Variants in NAALADL2 observed in about 807,000 individuals in gnomAD.
The protein encoded by NAALADL2 is N-acetylated alpha-linked acidic dipeptidase like 2.
In NAALADL2, 76 loss-of-function variants were observed where a neutral mutation model predicts 87.2. The observed-to-expected ratio is 0.87, with a 90% confidence interval of 0.72 to 1.05. The LOEUF is 1.05. Among genes scored for constraint, NAALADL2 ranks in the 50% least tolerant of loss-of-function variants. The pLI is 0.00. For synonymous variants in NAALADL2, 354 were observed against 331.0 expected (o/e 1.07, Z -0.75); for missense variants, 1,089 against 945.8 (o/e 1.15, Z -1.99).
intron 13 of NAALADL2, among the ~76,000 whole-genome samples, chr3:175,783,391 G>C (rs2150224004): frequency 6.6e-6 from 1 of 151,132 alleles, no homozygotes; most frequent in Non-Finnish European, 1.5e-5. Flanking sequence ...TTGAGCAGTG[G>C]TTTGTAGTTC....
chr3:174,527,470 G>T (rs562724718), intron 1 of NAALADL2, among the ~76,000 whole-genome samples: 36 of 150,084 alleles, frequency 2.4e-4, no homozygotes, highest in Non-Finnish European at 5.0e-4. Flanking sequence ...AATGAGCTGA[G>T]ATTGCGCCAT....
chr3:175,111,796 C>T (rs919572559), intron 2 of NAALADL2, among the ~76,000 whole-genome samples: 1 of 151,464 alleles, frequency 6.6e-6, no homozygotes, highest in African/African-American at 2.4e-5. Context: ...ATTCATATTC[C>T]CTGTAGTGCC....
chr3:175,287,511 A>G (rs952182393), intron 4 of NAALADL2, among the ~76,000 whole-genome samples: 7 of 152,210 alleles, frequency 4.6e-5, no homozygotes, highest in Non-Finnish European at 8.8e-5. Flanking sequence ...TTTAAAGGGA[A>G]CTGAAACACA....
At chr3:175,258,279 G>A (rs1017605131) in intron 4 of NAALADL2, among the ~76,000 whole-genome samples, 5 of 141,480 alleles carry the variant, frequency 3.5e-5, no homozygotes, top group African/African-American at 1.3e-4. Context: ...CTGCACTCCA[G>A]CCTGGGCAAC....
chr3:174,822,289 T>C (rs971694879), intron 3 of NAALADL2, among the ~76,000 whole-genome samples: 7 of 152,108 alleles, frequency 4.6e-5, no homozygotes, highest in Non-Finnish European at 1.0e-4. Flanking sequence ...CCCCTGCTTA[T>C]TGCACAGGAG....
chr3:175,506,934 G>T (rs1730411677), intron 9 of NAALADL2, among the ~76,000 whole-genome samples: 2 of 152,090 alleles, frequency 1.3e-5, no homozygotes, highest in African/African-American at 4.8e-5. Flanking sequence ...GAAATGACAT[G>T]CACGGGACAT....
chr3:175,077,161 G>T (rs888800200), intron 1 of NAALADL2, among the ~76,000 whole-genome samples: 2 of 152,150 alleles, frequency 1.3e-5, no homozygotes, highest in African/African-American at 4.8e-5. Context: ...TTTTTCAAAT[G>T]ACAAGCCTAG....
chr3:174,503,194 A>G (rs999275002), intron 1 of NAALADL2, among the ~76,000 whole-genome samples: 1 of 152,188 alleles, frequency 6.6e-6, no homozygotes, highest in Non-Finnish European at 1.5e-5. Context: ...ATCAAGGGAC[A>G]TATAGGACAT....
chr3:175,151,086 G>A (rs1332574232), intron 2 of NAALADL2, among the ~76,000 whole-genome samples: 1 of 152,188 alleles, frequency 6.6e-6, no homozygotes, highest in Non-Finnish European at 1.5e-5. Context: ...CACACCTGTA[G>A]TCTGAGCACT....
intron 12 of NAALADL2, 108 bp from the exon 13 acceptor site, chr3:175,755,112 C>A (rs1747090431): frequency 3.5e-6 from 3 of 859,956 alleles, no homozygotes; most frequent in African/African-American, 1.7e-5. Context: ...TTTCCTCTTC[C>A]TTCTTCAGTG....
chr3:175,422,545 C>T (rs144412483), intron 5 of NAALADL2, among the ~76,000 whole-genome samples: 18 of 152,014 alleles, frequency 1.2e-4, no homozygotes, highest in Middle Eastern at 3.4e-3. Context: ...CAAAATCCTC[C>T]GCCAACCTAG....
intron 2 of NAALADL2, among the ~76,000 whole-genome samples, chr3:174,696,183 G>A (rs927991033): frequency 2.0e-5 from 3 of 151,876 alleles, no homozygotes; most frequent in African/African-American, 7.3e-5. Context: ...GTGGTGGGAG[G>A]CTTTAGTACA....
rs773880712 is a variant in NAALADL2, at chr3:174,911,593, GAGA to G, written c.43+52146_43+52148del. On this transcript the variant is annotated intron_variant, in intron 1 of 13. Coordinates refer to ENST00000454872, the MANE Select transcript of NAALADL2 (RefSeq NM_207015.3). ...GCAGAGCAAGACTTCTCCCAGCATT[GAGA>G]AGGAGCTGGGAGTTTGGGAAAGCCC... is the stretch of plus-strand genomic sequence containing the variant. Among the ~76,000 whole-genome samples the G allele has an allele frequency of 3.5e-4, 53 of 152,056 alleles. 2 individuals are homozygous for G. Among genetic ancestry groups the G allele is most frequent in the Non-Finnish European group, 2.1e-4 (14 of 68,020 alleles).
chr3:175,095,984 G>A (rs1721087582), intron 1 of NAALADL2, among the ~76,000 whole-genome samples: 1 of 152,108 alleles, frequency 6.6e-6, no homozygotes, highest in Admixed American at 6.6e-5. Flanking sequence ...AAGCTGTGCA[G>A]GGGAGAAGAA....
At chr3:175,234,292 G>T (rs1581040792) in intron 3 of NAALADL2, 88 bp downstream of exon 3, 1 of 1,369,916 alleles carries the variant, frequency 7.3e-7, no homozygotes, top group East Asian at 2.3e-5. Flanking sequence ...CTGTCAAGAT[G>T]CAACATACAA....
chr3:174,830,056 T>C (rs1230328711), intron 3 of NAALADL2, among the ~76,000 whole-genome samples: 1 of 122,596 alleles, frequency 8.2e-6, no homozygotes, highest in East Asian at 2.3e-4. Context: ...TTTTCTCCCA[T>C]TTTGTAGGTT....
intron 2 of NAALADL2, among the ~76,000 whole-genome samples, chr3:175,190,323 T>G (rs145854777): frequency 1.3e-3 from 200 of 152,134 alleles, no homozygotes; most frequent in Non-Finnish European, 2.0e-3. Context: ...AAGGGGTTAA[T>G]ATCAACATTT....
At chr3:175,357,991 G>A (rs892462323) in intron 5 of NAALADL2, among the ~76,000 whole-genome samples, 9 of 152,230 alleles carry the variant, frequency 5.9e-5, no homozygotes, top group South Asian at 4.1e-4. Flanking sequence ...TGGCCCTGGG[G>A]GGCAGCAGAT....
rs1197300262 is a variant in NAALADL2, at chr3:174,540,017, T to C, written c.-183-10552T>C. Among the ~76,000 whole-genome samples the C allele has an allele frequency of 2.7e-5, 4 of 147,028 alleles. No individual in the cohort carries two copies. In the Admixed American group the frequency reaches 2.7e-4, roughly 10 times the overall value. On this transcript the variant is annotated intron_variant, in intron 1 of 3. Coordinates refer to the NAALADL2 transcript ENST00000434257. ...AAAAAAAAAAAAAAAAGCTGCCTGA[T>C]GTTTTGAAACAATGGGCATTTATCT...
Sources: gnomAD v4.1 joint callset for allele counts (sites outside exome capture counted in the v4.1 genomes callset) on GRCh38, gnomAD v4.1.1 for gene constraint, MANE v1.5 for transcripts, NCBI Gene and HGNC (gene_info 2026-07-23, HGNC 2026-07-21) for gene names.